ABCC1: variants seen among roughly 807,000 people sequenced by gnomAD.
The protein encoded by ABCC1 is multidrug resistance-associated protein 1.
In ABCC1, 83 loss-of-function variants were observed where a neutral mutation model predicts 172.9. The ratio of observed to expected loss-of-function variants is 0.48; its 90% CI spans 0.40 to 0.58. The LOEUF is 0.58. Ranked by LOEUF, ABCC1 falls within the 20% of genes least tolerant of loss-of-function variation. The pLI, the probability that ABCC1 is intolerant of heterozygous loss-of-function variation, is 0.00. For missense variants in ABCC1, 1,817 were observed against 2,002.7 expected (o/e 0.91, Z 1.77); for synonymous variants, 937 against 825.2 (o/e 1.14, Z -2.32).
At chr16:16,011,998 C>T (rs1005265338) in intron 3 of ABCC1, among the ~76,000 whole-genome samples, 1 of 150,952 alleles carries the variant, frequency 6.6e-6, no homozygotes. Flanking sequence ...GACAGGGTCT[C>T]CCTATGTTGC....
In ABCC1 at chr16:16,142,551, T is replaced by G. The variant is rs1006997715; in HGVS notation, c.*1270T>G. 2.0e-5 allele frequency: 3 copies of G among 152,174 alleles called. No homozygotes were observed. The highest frequency in any genetic ancestry group is 4.4e-5 in the Non-Finnish European group (3 of 68,022). 9.4% of individuals were successfully genotyped at this position (152,174 alleles called of 1,614,324 possible). A position where few individuals can be genotyped will look rare whatever the true frequency, so the allele number is the denominator to read the frequency against. ...GCATTGTGGAGAACTTGATATTTAGTTACTGATGCTCTTCCAGGACACGAA... is the reference window on the plus strand; with the variant it reads ...GCATTGTGGAGAACTTGATATTTAGGTACTGATGCTCTTCCAGGACACGAA... On this transcript the variant is annotated 3_prime_UTR_variant, in exon 31 of 31. Coordinates refer to ENST00000399410, the MANE Select transcript of ABCC1 (RefSeq NM_004996.4).
At chr16:15,997,901 C>T (rs2151665016) in intron 1 of ABCC1, among the ~76,000 whole-genome samples, 1 of 150,668 alleles carries the variant, frequency 6.6e-6, no homozygotes. Flanking sequence ...GCAACCTCCA[C>T]CTCCTGGGTT....
rs796830895 is a variant in ABCC1 at position 16,057,352 on chromosome 16, C to G, written c.1677+1057C>G. ...CCAGCCTGGGCAACACAGCAAGACC[C>G]TGTCTCAAAAAAGTAAAAAAAAAAA... is the stretch of plus-strand genomic sequence containing the variant. On this transcript the variant is annotated intron_variant, in intron 12 of 30. Transcript: ENST00000399410. 4.0e-5 allele frequency among the ~76,000 whole-genome samples: 6 copies of G among 149,294 alleles called. No homozygotes were observed. The South Asian group carries it at 1.3e-3, about 32-fold the overall frequency.
chr16:16,069,020 C>T (rs1479869814), intron 13 of ABCC1, among the ~76,000 whole-genome samples: 1 of 149,868 alleles, frequency 6.7e-6, no homozygotes, highest in African/African-American at 2.4e-5. Context: ...AAAACCCCAA[C>T]CTTACGGCCG....
intron 7 of ABCC1, among the ~76,000 whole-genome samples, chr16:16,040,608 A>G (rs1353771015): frequency 1.3e-5 from 2 of 151,154 alleles, no homozygotes; most frequent in East Asian, 3.9e-4. Flanking sequence ...ATTTTATTTT[A>G]TTATTATTAT....
chr16:16,122,153 AC>A lies in ABCC1; in HGVS notation c.3573del (p.Ser1192AlafsTer28), dbSNP rs1207416085. 6.2e-7 allele frequency: 1 copy of A among 1,614,038 alleles called. No individual in the cohort carries two copies. Among genetic ancestry groups the A allele is most frequent in the African/African-American group, 1.3e-5 (1 of 75,014 alleles). On this transcript the variant is annotated frameshift_variant, in exon 24 of 31. Coordinates refer to ENST00000399410, the MANE Select transcript of ABCC1 (RefSeq NM_004996.4). LOFTEE classifies it high-confidence loss of function. ...LKVDENQKAYYPSIVANRWLA... is the reference protein window; with the variant it reads ...LKVDENQKAYXPSIVANRWLA... ...GTGGACGAGAACCAGAAGGCCTATT[AC>A]CCCAGCATCGTGGCCAACAGGTGGG...
intron 16 of ABCC1, among the ~76,000 whole-genome samples, chr16:16,079,878 A>G (rs2050739641): frequency 6.7e-6 from 1 of 149,688 alleles, no homozygotes; most frequent in African/African-American, 2.5e-5. Context: ...AAGTGGCGTG[A>G]TCTCGGCTCA....
intron 12 of ABCC1, among the ~76,000 whole-genome samples, chr16:16,062,340 T>G (rs959812945): frequency 2.6e-5 from 4 of 152,084 alleles, no homozygotes; most frequent in African/African-American, 9.7e-5. Context: ...TCTTCTCTTT[T>G]TTCTTTCTTT....
intron 13 of ABCC1, among the ~76,000 whole-genome samples, chr16:16,070,072 T>A (rs1413066560): frequency 6.6e-6 from 1 of 151,634 alleles, no homozygotes; most frequent in Non-Finnish European, 1.5e-5. Context: ...CGTGTACACA[T>A]CACTCAGATT....
At chr16:16,095,845 C>G (rs2051451423) in intron 19 of ABCC1, among the ~76,000 whole-genome samples, 2 of 152,016 alleles carry the variant, frequency 1.3e-5, no homozygotes, top group Admixed American at 1.3e-4. Context: ...GGCCATTTTT[C>G]AAAACCTTGC....
chr16:16,097,660 G>T (rs534464586), intron 19 of ABCC1, among the ~76,000 whole-genome samples: 46 of 152,212 alleles, frequency 3.0e-4, no homozygotes, highest in Admixed American at 5.2e-4. Context: ...AAGCAGCTTT[G>T]TCAGTCCTGC....
chr16:16,040,818 C>T (rs1009705054), intron 7 of ABCC1, among the ~76,000 whole-genome samples: 2 of 151,976 alleles, frequency 1.3e-5, no homozygotes, highest in Non-Finnish European at 2.9e-5. Flanking sequence ...CCAGGCTGTC[C>T]TGGGGAAGGT....
intron 14 of ABCC1, among the ~76,000 whole-genome samples, chr16:16,072,438 G>C (rs12927511): frequency 2.0e-5 from 3 of 150,762 alleles, no homozygotes; most frequent in Non-Finnish European, 4.4e-5. Flanking sequence ...ACCTGCCTCA[G>C]CCTCCCAAAG....
At chr16:15,983,846 G>A (rs374908711) in intron 1 of ABCC1, among the ~76,000 whole-genome samples, 2 of 152,046 alleles carry the variant, frequency 1.3e-5, no homozygotes, top group Admixed American at 6.6e-5. Flanking sequence ...ACAAGCCACC[G>A]CGCCTGGCCT....
chr16:16,118,068 G>A (rs2044976792), intron 23 of ABCC1, among the ~76,000 whole-genome samples: 1 of 152,190 alleles, frequency 6.6e-6, no homozygotes, highest in Non-Finnish European at 1.5e-5. Flanking sequence ...ATTGACAGGT[G>A]GAGCATCTTG....
chr16:16,098,802 T>C, intron 19 of ABCC1: 1 of 1,302,108 alleles, frequency 7.7e-7, no homozygotes, highest in South Asian at 1.2e-5. Context: ...CACTCCTTTA[T>C]TTAGATAGGG....
intron 1 of ABCC1, among the ~76,000 whole-genome samples, chr16:15,962,687 A>C (rs2046160915): frequency 6.6e-6 from 1 of 152,218 alleles, no homozygotes; most frequent in Non-Finnish European, 1.5e-5. Context: ...TAAAACCATC[A>C]GATCTTCTGA....
At chr16:16,136,784 C>T in intron 29 of ABCC1, 140 bp downstream of exon 29, 1 of 1,012,336 alleles carries the variant, frequency 9.9e-7, no homozygotes, top group Non-Finnish European at 1.4e-6. Context: ...CTCTTGGAGC[C>T]TCAGTTTCTG....
At chr16:15,991,250 C>T (rs1262401279) in intron 1 of ABCC1, among the ~76,000 whole-genome samples, 2 of 151,854 alleles carry the variant, frequency 1.3e-5, no homozygotes, top group Non-Finnish European at 2.9e-5. Context: ...GCCACCTGTG[C>T]CTCTAAATCG....
Sources: allele counts gnomAD v4.1 joint callset (sites outside exome capture counted in the v4.1 genomes callset), GRCh38; gene constraint gnomAD v4.1.1; transcripts MANE v1.5; gene names NCBI Gene and HGNC (gene_info 2026-07-23, HGNC 2026-07-21).